The following ITCH variants were observed in gnomAD, a reference collection of about 807,000 sequenced individuals.
The protein encoded by ITCH is E3 ubiquitin-protein ligase Itchy homolog.
ITCH carries 28 observed loss-of-function variants against 126.8 expected under a neutral mutation model. The ratio of observed to expected loss-of-function variants is 0.22; its 90% CI spans 0.16 to 0.30. ITCH has a LOEUF of 0.30. Among genes scored for constraint, ITCH ranks in the 10% least tolerant of loss-of-function variants. ITCH has a pLI of 1.00. For missense variants in ITCH, 631 were observed against 1,032.4 expected (o/e 0.61, Z 5.33); for synonymous variants, 342 against 340.0 (o/e 1.01, Z -0.06).
chr20:34,472,443 TAAC>T lies in ITCH; in HGVS notation c.1569+929_1569+931del, dbSNP rs1193327216. On this transcript the variant is annotated intron_variant, in intron 16 of 24. Transcript: ENST00000374864. ...GCCTTTATCTTGCAGATATTACTAATAACCTACTGCAACTAAATGTTAAAATGA... is the reference window on the plus strand; with the variant it reads ...GCCTTTATCTTGCAGATATTACTAATCTACTGCAACTAAATGTTAAAATGA... Among the ~76,000 whole-genome samples, 9 of 150,284 alleles carry T rather than the reference TAAC, an allele frequency of 6.0e-5. 1 individual carries two copies. Among genetic ancestry groups the T allele is most frequent in the Admixed American group, 5.3e-4 (8 of 15,042 alleles).
intron 23 of ITCH, among the ~76,000 whole-genome samples, chr20:34,496,558 C>A (rs1168354221): frequency 6.6e-6 from 1 of 152,066 alleles, no homozygotes; most frequent in Non-Finnish European, 1.5e-5. Flanking sequence ...GTAGGCCCAG[C>A]ACTTTGGGAG....
chr20:34,440,068 C>G, intron 8 of ITCH, 87 bp from the exon 9 acceptor site: 1 of 922,662 alleles, frequency 1.1e-6, no homozygotes, highest in South Asian at 1.5e-5. Flanking sequence ...TATTTATCAT[C>G]TGCCTTTTAT....
chr20:34,370,895 G>A (rs1229683558), intron 2 of ITCH, among the ~76,000 whole-genome samples: 7 of 152,006 alleles, frequency 4.6e-5, no homozygotes, highest in Non-Finnish European at 7.4e-5. Flanking sequence ...GAGGCTGGGC[G>A]CGGTGGCTCA....
chr20:34,408,861 A>G, intron 4 of ITCH, 69 bp downstream of exon 4: 1 of 1,522,780 alleles, frequency 6.6e-7, no homozygotes. Flanking sequence ...ATTTAAAAAA[A>G]TGTTTCTCAC....
intron 6 of ITCH, among the ~76,000 whole-genome samples, chr20:34,414,457 CTTTT>C (rs770240058): frequency 1.4e-5 from 1 of 70,826 alleles, no homozygotes; most frequent in African/African-American, 5.7e-5. Flanking sequence ...ACTTTAAATC[CTTTT>C]TTTTTTTTTT....
At chr20:34,380,453 T>C (rs2038014030) in intron 2 of ITCH, among the ~76,000 whole-genome samples, 1 of 152,174 alleles carries the variant, frequency 6.6e-6, no homozygotes, top group Non-Finnish European at 1.5e-5. Flanking sequence ...TCTTCTGTTC[T>C]GACCTTAGGT....
chr20:34,497,448 A>C (rs2146538458), intron 23 of ITCH, among the ~76,000 whole-genome samples: 1 of 152,320 alleles, frequency 6.6e-6, no homozygotes, highest in South Asian at 2.1e-4. Flanking sequence ...TATATCTTGA[A>C]GTCCAGTAGT....
intron 14 of ITCH, among the ~76,000 whole-genome samples, chr20:34,463,025 TG>T (rs1986687762): frequency 6.6e-6 from 1 of 152,194 alleles, no homozygotes. Context: ...TTCTGTTTTT[TG>T]GGGGGTATTG....
At chr20:34,371,245 G>A (rs1234798270) in intron 2 of ITCH, among the ~76,000 whole-genome samples, 1 of 148,250 alleles carries the variant, frequency 6.7e-6, no homozygotes, top group African/African-American at 2.5e-5. Flanking sequence ...TGCCACTTTT[G>A]GGTATATATC....
chr20:34,452,096 G>A (rs1179893191), intron 12 of ITCH, among the ~76,000 whole-genome samples: 2 of 148,708 alleles, frequency 1.3e-5, no homozygotes, highest in Non-Finnish European at 3.0e-5. Context: ...AAAAAAAGTT[G>A]CAGAAAAACT....
chr20:34,457,862 T>A (rs1204628260), intron 13 of ITCH, among the ~76,000 whole-genome samples: 3 of 151,974 alleles, frequency 2.0e-5, no homozygotes, highest in African/African-American at 7.3e-5. Context: ...GGTGGGAGGA[T>A]CACCTGAGCC....
intron 16 of ITCH, among the ~76,000 whole-genome samples, chr20:34,474,882 G>T (rs534807110): frequency 2.5e-4 from 38 of 151,494 alleles, no homozygotes; most frequent in African/African-American, 7.8e-4. Context: ...GGGCGGAGGG[G>T]CTCCTCACTT....
At chr20:34,368,145 C>A (rs1335798494) in intron 1 of ITCH, among the ~76,000 whole-genome samples, 3 of 152,062 alleles carry the variant, frequency 2.0e-5, no homozygotes, top group Admixed American at 6.6e-5. Flanking sequence ...TGGCATGCAC[C>A]TGTAGTACCA....
At chr20:34,401,941 T>C (rs2038901093) in intron 3 of ITCH, among the ~76,000 whole-genome samples, 1 of 152,084 alleles carries the variant, frequency 6.6e-6, no homozygotes, top group South Asian at 2.1e-4. Context: ...ATACAATTAC[T>C]CAAAATTAAC....
chr20:34,371,518 A>G (rs556821978), intron 2 of ITCH, among the ~76,000 whole-genome samples: 79 of 151,972 alleles, frequency 5.2e-4, no homozygotes, highest in African/African-American at 1.8e-3. Context: ...TCCTGACCTC[A>G]GGTGATCTGC....
chr20:34,439,889 G>C (rs566015213), intron 8 of ITCH, among the ~76,000 whole-genome samples: 28 of 152,246 alleles, frequency 1.8e-4, no homozygotes, highest in African/African-American at 6.7e-4. Context: ...TTTATTTCCA[G>C]TGACATCAGA....
At chr20:34,498,987 T>TC (rs1990061967) in intron 23 of ITCH, among the ~76,000 whole-genome samples, 1 of 151,722 alleles carries the variant, frequency 6.6e-6, no homozygotes, top group Non-Finnish European at 1.5e-5. Flanking sequence ...TTTTTTTTTT[T>TC]TTCTTGAGAC....
At chr20:34,408,880 T>G (rs955306989) in intron 4 of ITCH, 88 bp downstream of exon 4, 1 of 1,334,736 alleles carries the variant, frequency 7.5e-7, no homozygotes, top group South Asian at 1.3e-5. Context: ...ACTTTGGTTT[T>G]TTGTTGTTGT....
chr20:34,408,905 CTCT>C (rs754697990), intron 4 of ITCH, 113 bp downstream of exon 4: 20 of 1,070,420 alleles, frequency 1.9e-5, no homozygotes, highest in Middle Eastern at 2.2e-4. Flanking sequence ...CCTCCTTTCT[CTCT>C]TCTTTTTTTT....
Sources: gnomAD v4.1 joint callset for allele counts (sites outside exome capture counted in the v4.1 genomes callset) on GRCh38, gnomAD v4.1.1 for gene constraint, MANE v1.5 for transcripts, NCBI Gene and HGNC (gene_info 2026-07-23, HGNC 2026-07-21) for gene names.